The following UGT1A3 variants were observed in gnomAD, a reference collection of about 807,000 sequenced individuals.
UGT1A3 encodes UDP glucuronosyltransferase family 1 member A3, also known as UDP-glucuronosyltransferase 1A3.
In UGT1A3, 31 loss-of-function variants were observed where a neutral mutation model predicts 41.0. The ratio of observed to expected loss-of-function variants is 0.76; its 90% CI spans 0.57 to 1.02. The LOEUF is 1.02. Among genes scored for constraint, UGT1A3 ranks in the 50% least tolerant of loss-of-function variants. The pLI, the probability that UGT1A3 is intolerant of heterozygous loss-of-function variation, is 0.00. For synonymous variants in UGT1A3, 262 were observed against 257.6 expected (o/e 1.02, Z -0.17); for missense variants, 737 against 671.0 (o/e 1.10, Z -1.09).
At chr2:233,746,837 G>A (rs1378280242) in intron 1 of UGT1A3, among the ~76,000 whole-genome samples, 1 of 151,758 alleles carries the variant, frequency 6.6e-6, no homozygotes, top group African/African-American at 2.4e-5. Context: ...CACTGTTGGG[G>A]ACCTCTCAGA....
intron 1 of UGT1A3, among the ~76,000 whole-genome samples, chr2:233,733,838 T>C (rs1373301962): frequency 1.3e-5 from 2 of 152,026 alleles, no homozygotes; most frequent in Non-Finnish European, 2.9e-5. Context: ...TTAGGGAGGA[T>C]TCCCTCTTTT....
At chr2:233,755,038 C>T (rs751084795) in intron 1 of UGT1A3, 123 of 1,320,106 alleles carry the variant, frequency 9.3e-5, no homozygotes, top group Admixed American at 3.2e-4. Flanking sequence ...CTGCCGCCTG[C>T]GCAGCCGCCC....
At chr2:233,759,816 G>A (rs540177588) in intron 1 of UGT1A3, among the ~76,000 whole-genome samples, 1 of 152,166 alleles carries the variant, frequency 6.6e-6, no homozygotes, top group Non-Finnish European at 1.5e-5. Flanking sequence ...AGGCAGTACC[G>A]GGGGAGCTGT....
chr2:233,752,243 C>G (rs777804991), intron 1 of UGT1A3: 1 of 152,156 alleles, frequency 6.6e-6, no homozygotes, highest in Non-Finnish European at 1.5e-5. Context: ...TTTTTGGACC[C>G]TACTGTGATG....
At position 233,767,069 on chromosome 2, in the gene UGT1A3, T is replaced by C. The variant is rs778321344; in HGVS notation, c.903T>C (p.His301=). 42 of 1,614,040 alleles carry C rather than the reference T, an allele frequency of 2.6e-5. No homozygotes were observed. The highest frequency in any genetic ancestry group is 3.4e-5 in the Non-Finnish European group (40 of 1,180,020). The change falls in exon 2 of 5, where the codon CAT becomes CAC. Residue 301 remains histidine, a synonymous_variant. Transcript: ENST00000482026. ...CCTACATTAATGCTTCTGGAGAACA[T>C]GGAATTGTGGTTTTCTCTTTGGGAT... is the stretch of plus-strand genomic sequence containing the variant. ...FEAYINASGE[H]GIVVFSLGSM...
At chr2:233,747,688 C>T in intron 1 of UGT1A3, 2 of 1,609,342 alleles carry the variant, frequency 1.2e-6, no homozygotes, top group South Asian at 2.2e-5. Context: ...CTCTGTGGGG[C>T]AGTGCTGGCT....
chr2:233,765,059 C>A (rs917650453), intron 1 of UGT1A3, among the ~76,000 whole-genome samples: 1 of 152,076 alleles, frequency 6.6e-6, no homozygotes, highest in African/African-American at 2.4e-5. Context: ...TGAGCCCTGT[C>A]AGAGGTCTCC....
chr2:233,733,979 A>G (rs1225459712), intron 1 of UGT1A3, among the ~76,000 whole-genome samples: 1 of 152,060 alleles, frequency 6.6e-6, no homozygotes, highest in African/African-American at 2.4e-5. Flanking sequence ...GCGGGGAGGG[A>G]TAGCATTAGG....
intron 1 of UGT1A3, among the ~76,000 whole-genome samples, chr2:233,765,584 C>T (rs1030389138): frequency 7.2e-5 from 11 of 151,846 alleles, no homozygotes; most frequent in African/African-American, 4.8e-5. Flanking sequence ...GGGAGGGGAA[C>T]AACACACACC....
chr2:233,735,091 A>T (rs4477910), intron 1 of UGT1A3, among the ~76,000 whole-genome samples: 69,276 of 151,834 alleles, frequency 0.46, 17,201 homozygotes, highest in African/African-American at 0.66. Context: ...GTCTTGTTGA[A>T]CTGTCTAATA....
At chr2:233,746,807 G>C (rs1340541444) in intron 1 of UGT1A3, among the ~76,000 whole-genome samples, 4 of 151,778 alleles carry the variant, frequency 2.6e-5, no homozygotes, top group Admixed American at 2.0e-4. Flanking sequence ...CGTGAATGTG[G>C]ATTGCCTACT....
chr2:233,755,200 G>A (rs1575733621), intron 1 of UGT1A3: 14 of 1,105,580 alleles, frequency 1.3e-5, no homozygotes, highest in South Asian at 8.5e-5. Flanking sequence ...GCCAGCTTGC[G>A]GTACGCCTTC....
Position 233,761,080 on chromosome 2 carries a change from C to T in UGT1A3, c.868-5954C>T, listed in dbSNP as rs760907397. On this transcript the variant is annotated intron_variant, in intron 1 of 4. Transcript: ENST00000482026. ...TAGAAGTGACTTTGTGAAGGATTAC[C>T]CTAGGCCCATCATGCCCAATATGGT... The T allele has an allele frequency of 5.0e-6, 8 of 1,614,034 alleles. No individual in the cohort carries two copies. The highest frequency in any genetic ancestry group is 1.3e-5 in the African/African-American group (1 of 74,910).
intron 1 of UGT1A3, 105 bp downstream of exon 1, chr2:233,730,098 T>G: frequency 6.3e-7 from 1 of 1,586,492 alleles, no homozygotes; most frequent in East Asian, 2.3e-5. Flanking sequence ...TTCCAAATAT[T>G]TCATTTCTGC....
At chr2:233,751,587 G>A (rs1303617779) in intron 1 of UGT1A3, among the ~76,000 whole-genome samples, 5 of 152,220 alleles carry the variant, frequency 3.3e-5, no homozygotes, top group African/African-American at 1.2e-4. Flanking sequence ...ATTCCCATGT[G>A]TTAAGGATGG....
rs765243640 is a variant in UGT1A3 at position 233,729,276 on chromosome 2, G to T, written c.150G>T (p.Glu50Asp). Residue 50 changes from glutamate (E) to aspartate (D), a missense_variant, in exon 1 of 5, where the codon GAG (glutamate) becomes GAT (aspartate). Physicochemically the swap from Glu to Asp is conservative, Grantham distance 45 (BLOSUM62 2). Coordinates refer to ENST00000482026, the MANE Select transcript of UGT1A3 (RefSeq NM_019093.4). ...HWLSMREVLR[E>D]LHARGHQAVV... ...TCAGCATGCGGGAGGTCTTGCGGGA[G>T]CTCCATGCCAGAGGCCACCAGGCAG... The T allele has an allele frequency of 6.2e-7, 1 of 1,614,232 alleles. No homozygotes were observed. Among genetic ancestry groups the T allele is most frequent in the Non-Finnish European group, 8.5e-7 (1 of 1,180,036 alleles).
chr2:233,730,090 C>A, intron 1 of UGT1A3, 97 bp downstream of exon 1: 2 of 1,596,076 alleles, frequency 1.3e-6, no homozygotes, highest in South Asian at 1.1e-5. Flanking sequence ...ACTTATCTTT[C>A]CAAATATTTC....
rs375204962 is a variant in UGT1A3, at chr2:233,760,376, T to C, written c.868-6658T>C. The C allele has an allele frequency of 6.2e-6, 10 of 1,614,042 alleles. No individual in the cohort carries two copies. In the African/African-American group the frequency reaches 6.7e-5, roughly 11 times the overall value. ...CCAGTGGTGTCCCATGCTGGGAAGA[T>C]ACTGTTGATCCCAGTGGATGGCAGC... On this transcript the variant is annotated intron_variant, in intron 1 of 4. Coordinates refer to ENST00000482026, the MANE Select transcript of UGT1A3 (RefSeq NM_019093.4).
intron 1 of UGT1A3, among the ~76,000 whole-genome samples, chr2:233,749,562 T>G (rs541768746): frequency 6.6e-6 from 1 of 151,876 alleles, no homozygotes; most frequent in African/African-American, 2.4e-5. Flanking sequence ...ATGTATTCAA[T>G]AGTGAGGCCA....
Sources: gnomAD v4.1 joint callset for allele counts (sites outside exome capture counted in the v4.1 genomes callset) on GRCh38, gnomAD v4.1.1 for gene constraint, MANE v1.5 for transcripts, NCBI Gene and HGNC (gene_info 2026-07-23, HGNC 2026-07-21) for gene names.